Variants in AKAP13 observed in about 807,000 individuals in gnomAD.
AKAP13 encodes the protein A-kinase anchoring protein 13, also known as A-kinase anchor protein 13.
In AKAP13, 80 loss-of-function variants were observed where a neutral mutation model predicts 264.5. That is an observed-to-expected ratio of 0.30 (90% CI 0.25 to 0.36). The LOEUF is 0.36. Ranked by LOEUF, AKAP13 falls within the 10% of genes least tolerant of loss-of-function variation. The probability of loss-of-function intolerance (pLI) is 1.00; values close to 1 mark genes in which losing one functional copy is unlikely to be tolerated. For synonymous variants in AKAP13, 1,380 were observed against 1,250.2 expected, an observed-to-expected ratio of 1.10 and a Z score of -2.19; for missense variants, 3,712 against 3,435.2, an observed-to-expected ratio of 1.08 and a Z score of -2.01.
At chr15:85,398,560 T>G (rs1418207668) in intron 1 of AKAP13, among the ~76,000 whole-genome samples, 2 of 152,130 alleles carry the variant, frequency 1.3e-5, no homozygotes, top group African/African-American at 2.4e-5. Context: ...TATGATTTCT[T>G]TTTTGTTGTT....
At chr15:85,610,623 G>A (rs908965543) in intron 8 of AKAP13, among the ~76,000 whole-genome samples, 7 of 152,160 alleles carry the variant, frequency 4.6e-5, no homozygotes, top group Non-Finnish European at 1.0e-4. Flanking sequence ...TTCACTTAAG[G>A]CATTTTCTCT....
intron 1 of AKAP13, among the ~76,000 whole-genome samples, chr15:85,402,808 C>T (rs978335528): frequency 2.0e-5 from 3 of 152,102 alleles, no homozygotes; most frequent in African/African-American, 2.4e-5. Context: ...TGGCTAAACT[C>T]CCACAGCCAG....
At chr15:85,385,812 C>T (rs547049578) in intron 1 of AKAP13, among the ~76,000 whole-genome samples, 8 of 152,120 alleles carry the variant, frequency 5.3e-5, no homozygotes, top group African/African-American at 1.9e-4. Flanking sequence ...TTTTACTTGT[C>T]TTAATAATGT....
intron 14 of AKAP13, among the ~76,000 whole-genome samples, chr15:85,671,158 T>C (rs1355026046): frequency 6.6e-6 from 1 of 152,108 alleles, no homozygotes; most frequent in African/African-American, 2.4e-5. Context: ...TTCCCTGATA[T>C]AATTCAGTTT....
chr15:85,486,739 C>CTTTTTTTTT (rs562767898), intron 2 of AKAP13, among the ~76,000 whole-genome samples: 9 of 115,650 alleles, frequency 7.8e-5, no homozygotes, highest in African/African-American at 1.7e-4. Flanking sequence ...TTGTTCAGTT[C>CTTTTTTTTT]TTTTTTTTTT....
At chr15:85,701,434 GT>G (rs920286804) in intron 17 of AKAP13, among the ~76,000 whole-genome samples, 10 of 151,582 alleles carry the variant, frequency 6.6e-5, no homozygotes, top group African/African-American at 2.4e-4. Context: ...TATTTGAGGG[GT>G]TTTTTTTGTT....
intron 17 of AKAP13, among the ~76,000 whole-genome samples, chr15:85,697,369 G>A (rs2085623310): frequency 6.6e-6 from 1 of 152,192 alleles, no homozygotes; most frequent in African/African-American, 2.4e-5. Flanking sequence ...AGGAGTTCAA[G>A]ACCAGCCTGA....
chr15:85,710,059 A>G (rs984327948), intron 18 of AKAP13, among the ~76,000 whole-genome samples: 18 of 152,298 alleles, frequency 1.2e-4, no homozygotes, highest in Admixed American at 2.6e-4. Flanking sequence ...GCTTCAGTGT[A>G]TAATCTCTCA....
chr15:85,533,737 C>T lies in AKAP13; in HGVS notation c.335C>T (p.Ala112Val), dbSNP rs750317670. The T allele has an allele frequency of 6.2e-6, 10 of 1,614,190 alleles. No homozygotes were observed. The East Asian group carries it at 1.6e-4, about 25-fold the overall frequency. Residue 112 changes from alanine to valine, a missense_variant, in exon 4 of 37, where the codon GCT (alanine) becomes GTT (valine). Physicochemically the swap from Ala to Val is moderately conservative, Grantham distance 64. This residue lies in a region of AKAP13 where 2,759 missense variants were observed against 2,411.7 expected (regional missense o/e 1.14). Transcript: ENST00000394518. ...GCAACCAGTGCTGGAAATCAGCAGGCTTTGAACTTTACCCGTTTTCTTGAC... is the reference window on the plus strand; with the variant it reads ...GCAACCAGTGCTGGAAATCAGCAGGTTTTGAACTTTACCCGTTTTCTTGAC... ...FLATSAGNQQ[A>V]LNFTRFLDQS... is the part of the protein sequence containing the mutation.
chr15:85,744,822 A>T lies in AKAP13; in HGVS notation c.*145A>T, dbSNP rs1164826306. 19 of 659,352 alleles carry T rather than the reference A, an allele frequency of 2.9e-5. No homozygotes were observed. Among genetic ancestry groups the T allele is most frequent in the Admixed American group, 6.3e-5 (2 of 31,880 alleles). 40.8% of individuals were successfully genotyped at this position (659,352 alleles called of 1,614,324 possible). A position where few individuals can be genotyped will look rare whatever the true frequency, so the allele number is the denominator to read the frequency against. On this transcript the variant is annotated 3_prime_UTR_variant, in exon 37 of 37. Transcript: ENST00000394518. ...CCTGGGCGGCCCCAGGTCCTGGACA[A>T]TAAGCAACAGATGATATTGAGTGTC...
chr15:85,565,940 T>C (rs2078590450), intron 5 of AKAP13, among the ~76,000 whole-genome samples: 1 of 152,234 alleles, frequency 6.6e-6, no homozygotes, highest in African/African-American at 2.4e-5. Flanking sequence ...TCCTTGCAGC[T>C]CTGTATAAAG....
chr15:85,746,986 C>T lies in AKAP13; in HGVS notation c.*2309C>T, dbSNP rs1449275338. ...GCTTGACATCAATGTTAGAGGGTCT[C>T]TTACTCCCCGCCCAGCTGTGATGTT... On this transcript the variant is annotated 3_prime_UTR_variant, in exon 37 of 37. Coordinates refer to ENST00000394518, the MANE Select transcript of AKAP13 (RefSeq NM_007200.5). 3 of 152,196 alleles carry T rather than the reference C, an allele frequency of 2.0e-5. No homozygotes were observed. The highest frequency in any genetic ancestry group is 4.4e-5 in the Non-Finnish European group (3 of 68,038). The allele number at this position is 152,196 out of a possible 1,614,324, so 9.4% of individuals were successfully genotyped here. A position where few individuals can be genotyped will look rare whatever the true frequency, so the allele number is the denominator to read the frequency against.
At chr15:85,589,572 A>G (rs1429471796) in intron 8 of AKAP13, among the ~76,000 whole-genome samples, 2 of 150,676 alleles carry the variant, frequency 1.3e-5, no homozygotes, top group Non-Finnish European at 3.0e-5. Flanking sequence ...CCTGGCTAAC[A>G]TGGGGAAACC....
At chr15:85,615,263 T>C (rs2080882930) in intron 8 of AKAP13, among the ~76,000 whole-genome samples, 1 of 152,232 alleles carries the variant, frequency 6.6e-6, no homozygotes, top group African/African-American at 2.4e-5. Flanking sequence ...TGGCTACTGC[T>C]TGCTACTAAT....
intron 2 of AKAP13, among the ~76,000 whole-genome samples, chr15:85,490,566 G>C (rs11858881): frequency 6.6e-6 from 1 of 152,228 alleles, no homozygotes; most frequent in African/African-American, 2.4e-5. Context: ...CTGTGGTGTA[G>C]AAGACAAAGT....
chr15:85,623,761 A>G (rs1386554506), intron 8 of AKAP13, among the ~76,000 whole-genome samples: 2 of 152,280 alleles, frequency 1.3e-5, no homozygotes, highest in East Asian at 3.9e-4. Context: ...ACACATACCC[A>G]TTCCTGTTCC....
Position 85,654,836 on chromosome 15 carries a change from A to G in AKAP13, c.4375-581A>G, listed in dbSNP as rs149530830. On this transcript the variant is annotated intron_variant, in intron 10 of 36. Coordinates refer to ENST00000394518, the MANE Select transcript of AKAP13 (RefSeq NM_007200.5). ...GAGACCCTGTCTCAAATTGGAAAAA[A>G]AAGAAAAGAAAGAAAAAATGATGTA... Among the ~76,000 whole-genome samples the G allele has an allele frequency of 3.1e-4, 47 of 152,110 alleles. No homozygotes were observed. In the East Asian group the frequency reaches 6.8e-3, roughly 22 times the overall value.
chr15:85,579,927 T>C lies in AKAP13; in HGVS notation c.1859T>C (p.Leu620Ser), dbSNP rs764537428. ...GGTGAGGCAATGTCACCCTCAGATT[T>C]AGCCCTTCTTGGGCTGGAAGAAGAT... ...GIGEAMSPSD[L>S]ALLGLEEDVM... Residue 620 changes from leucine (L) to serine (S), a missense_variant, in exon 7 of 37, where the codon TTA becomes TCA. Physicochemically the swap from Leu to Ser is moderately radical, Grantham distance 145 (BLOSUM62 -2). Transcript: ENST00000394518. 1.9e-6 allele frequency: 3 copies of C among 1,614,238 alleles called. No homozygotes were observed. Among genetic ancestry groups the C allele is most frequent in the South Asian group, 1.1e-5 (1 of 91,090 alleles).
At chr15:85,612,554 C>A (rs2080692866) in intron 8 of AKAP13, among the ~76,000 whole-genome samples, 1 of 152,098 alleles carries the variant, frequency 6.6e-6, no homozygotes, top group African/African-American at 2.4e-5. Flanking sequence ...AGCGTGGTGG[C>A]TCACACCTGT....
Sources: gnomAD v4.1 joint callset for allele counts (sites outside exome capture counted in the v4.1 genomes callset) on GRCh38, gnomAD v4.1.1 for gene constraint, gnomAD v4.1.1 regional missense constraint, MANE v1.5 for transcripts, NCBI Gene and HGNC (gene_info 2026-07-23, HGNC 2026-07-21) for gene names.